FOXP1: variants seen among roughly 807,000 people sequenced by gnomAD.
FOXP1 encodes forkhead box protein P1.
FOXP1 carries 15 observed loss-of-function variants against 98.2 expected under a neutral mutation model. That is an observed-to-expected ratio of 0.15 (90% CI 0.10 to 0.24). The LOEUF (loss-of-function observed/expected upper bound fraction) is 0.24. Ranked by LOEUF, FOXP1 falls within the 10% of genes least tolerant of loss-of-function variation. The pLI, the probability that FOXP1 is intolerant of heterozygous loss-of-function variation, is 1.00. For missense variants in FOXP1, 633 were observed against 848.5 expected (o/e 0.75, Z 3.15); for synonymous variants, 371 against 314.5 (o/e 1.18, Z -1.90).
At chr3:71,471,497 A>C (rs1183928859) in intron 3 of FOXP1, among the ~76,000 whole-genome samples, 1 of 152,186 alleles carries the variant, frequency 6.6e-6, no homozygotes, top group Non-Finnish European at 1.5e-5. Flanking sequence ...AGTACAAACG[A>C]ATGTTTTGAG....
At chr3:71,483,824 A>C (rs1169564380) in intron 3 of FOXP1, among the ~76,000 whole-genome samples, 2 of 152,120 alleles carry the variant, frequency 1.3e-5, no homozygotes, top group Non-Finnish European at 2.9e-5. Context: ...TAATTACAAA[A>C]GTTTTCCTAA....
intron 12 of FOXP1, 23 bp from the exon 13 acceptor site, chr3:71,001,082 A>G (rs1472042489): frequency 6.4e-7 from 1 of 1,557,106 alleles, no homozygotes; most frequent in East Asian, 2.2e-5. Context: ...ATAGAAAATC[A>G]TTAAGTGAAA....
At chr3:71,558,802 CTTTT>C (rs35405702) in intron 2 of FOXP1, among the ~76,000 whole-genome samples, 1 of 117,548 alleles carries the variant, frequency 8.5e-6, no homozygotes. Context: ...CCGATTCTCA[CTTTT>C]TTTTTTTTTT....
chr3:71,124,789 T>A (rs573734333), intron 6 of FOXP1, among the ~76,000 whole-genome samples: 1 of 152,316 alleles, frequency 6.6e-6, no homozygotes, highest in Non-Finnish European at 1.5e-5. Flanking sequence ...TATTATTATA[T>A]CTATAACACA....
intron 5 of FOXP1, among the ~76,000 whole-genome samples, chr3:71,269,921 A>T (rs1304786254): frequency 6.6e-6 from 1 of 152,138 alleles, no homozygotes; most frequent in African/African-American, 2.4e-5. Flanking sequence ...AGTATTAGAA[A>T]CCAATAAGTT....
chr3:70,998,613 T>G (rs1396058187), intron 13 of FOXP1, among the ~76,000 whole-genome samples: 2 of 152,194 alleles, frequency 1.3e-5, no homozygotes, highest in Admixed American at 1.3e-4. Flanking sequence ...TGTACTAACT[T>G]CTGGCCAGAT....
intron 3 of FOXP1, among the ~76,000 whole-genome samples, chr3:71,409,918 G>A (rs77913327): frequency 6.6e-6 from 1 of 152,192 alleles, no homozygotes; most frequent in Admixed American, 6.5e-5. Context: ...GGAAGGGTGA[G>A]ACGGGAGGAT....
chr3:71,162,566 G>C (rs2061192274), intron 6 of FOXP1, among the ~76,000 whole-genome samples: 1 of 152,154 alleles, frequency 6.6e-6, no homozygotes, highest in Non-Finnish European at 1.5e-5. Flanking sequence ...CAAGGATATA[G>C]CAGAGAACGT....
intron 6 of FOXP1, among the ~76,000 whole-genome samples, chr3:71,138,834 T>C (rs1256182367): frequency 6.6e-6 from 1 of 152,152 alleles, no homozygotes; most frequent in Non-Finnish European, 1.5e-5. Flanking sequence ...ACTGCATTAA[T>C]TCTTAAGAAC....
intron 7 of FOXP1, among the ~76,000 whole-genome samples, chr3:71,097,151 T>G (rs1244173890): frequency 6.6e-6 from 1 of 152,120 alleles, no homozygotes; most frequent in African/African-American, 2.4e-5. Flanking sequence ...AAAGCACAGG[T>G]CAGCCAACTA....
intron 3 of FOXP1, among the ~76,000 whole-genome samples, chr3:71,416,192 C>T (rs1214644772): frequency 3.3e-5 from 5 of 151,924 alleles, no homozygotes; most frequent in Admixed American, 1.3e-4. Flanking sequence ...GGGATGAATG[C>T]CACAAAAAGC....
At chr3:71,451,841 CTTAGTTA>C (rs1482603638) in intron 3 of FOXP1, among the ~76,000 whole-genome samples, 3 of 152,142 alleles carry the variant, frequency 2.0e-5, no homozygotes, top group Non-Finnish European at 4.4e-5. Flanking sequence ...TGTTAAATTA[CTTAGTTA>C]TTAAACAGGA....
chr3:71,040,256 A>G (rs1402776096), intron 11 of FOXP1: 1 of 152,162 alleles, frequency 6.6e-6, no homozygotes. Flanking sequence ...TTGTAATTGC[A>G]TAACTGAAAT....
intron 2 of FOXP1, among the ~76,000 whole-genome samples, chr3:71,553,590 A>G (rs981634372): frequency 2.0e-5 from 3 of 152,222 alleles, no homozygotes; most frequent in Non-Finnish European, 2.9e-5. Context: ...TTTTTTACCA[A>G]CAACTGAAAT....
intron 3 of FOXP1, among the ~76,000 whole-genome samples, chr3:71,451,269 T>C (rs2086926565): frequency 6.6e-6 from 1 of 152,200 alleles, no homozygotes; most frequent in African/African-American, 2.4e-5. Flanking sequence ...CTTCTTTGTA[T>C]GGAAGAACAT....
At chr3:71,213,589 A>C (rs1229626587) in intron 5 of FOXP1, among the ~76,000 whole-genome samples, 1 of 152,172 alleles carries the variant, frequency 6.6e-6, no homozygotes, top group Non-Finnish European at 1.5e-5. Context: ...AGGCCGAGGC[A>C]GGCGGATCAC....
intron 11 of FOXP1, among the ~76,000 whole-genome samples, chr3:71,019,230 T>C (rs1334806539): frequency 6.6e-6 from 1 of 152,160 alleles, no homozygotes; most frequent in Non-Finnish European, 1.5e-5. Context: ...GGATGAAACA[T>C]GGTGGGAAAA....
chr3:71,154,587 C>A (rs1224905415), intron 6 of FOXP1, among the ~76,000 whole-genome samples: 2 of 152,192 alleles, frequency 1.3e-5, no homozygotes, highest in Admixed American at 6.5e-5. Flanking sequence ...CACTGGTGGA[C>A]AATATTGGGC....
At chr3:71,140,443 G>C (rs13088128) in intron 6 of FOXP1, among the ~76,000 whole-genome samples, 37,224 of 152,070 alleles carry the variant, frequency 0.24, 4,668 homozygotes, top group East Asian at 0.33. Context: ...GGATTTTCCT[G>C]TTAGGGATTT....
Sources: allele counts gnomAD v4.1 joint callset (sites outside exome capture counted in the v4.1 genomes callset), GRCh38; gene constraint gnomAD v4.1.1; transcripts MANE v1.5; gene names NCBI Gene and HGNC (gene_info 2026-07-23, HGNC 2026-07-21).